SPAG16: variants seen among roughly 807,000 people sequenced by gnomAD.
SPAG16 encodes sperm associated antigen 16.
A neutral mutation model predicts 80.4 loss-of-function variants in SPAG16; 86 were observed. The observed-to-expected ratio is 1.07, with a 90% CI of 0.90 to 1.28. The LOEUF (loss-of-function observed/expected upper bound fraction) is 1.28. Ranked by LOEUF, SPAG16 falls within the 50% of genes most tolerant of loss-of-function variation. SPAG16 has a pLI of 0.00. For missense variants in SPAG16, 870 were observed against 765.3 expected (o/e 1.14, Z -1.61); for synonymous variants, 294 against 265.9 (o/e 1.11, Z -1.03).
intron 15 of SPAG16, among the ~76,000 whole-genome samples, chr2:214,321,367 A>C (rs898599454): frequency 2.0e-5 from 3 of 152,164 alleles, no homozygotes; most frequent in African/African-American, 7.2e-5. Flanking sequence ...TGGCCACTGA[A>C]GATATTAGTA....
chr2:214,323,814 G>T (rs188706866), intron 15 of SPAG16, among the ~76,000 whole-genome samples: 25 of 152,208 alleles, frequency 1.6e-4, no homozygotes, highest in Non-Finnish European at 3.2e-4. Context: ...GCAAGGGCTA[G>T]GAAAGATCAA....
At position 214,225,997 on chromosome 2, in the gene SPAG16, G is replaced by A. The variant is rs1277687991; in HGVS notation, c.1720+76731G>A. 4.6e-5 allele frequency among the ~76,000 whole-genome samples: 7 copies of A among 152,148 alleles called. No individual in the cohort carries two copies. The South Asian group carries it at 6.2e-4, about 14-fold the overall frequency. ...TGAATCAAGGAGTCTGACTACTTCCGGTAGAAAGCCAACAGTGGGACTTCA... is the reference window on the plus strand; with the variant it reads ...TGAATCAAGGAGTCTGACTACTTCCAGTAGAAAGCCAACAGTGGGACTTCA... On this transcript the variant is annotated intron_variant, in intron 15 of 15. Coordinates refer to ENST00000331683, the MANE Select transcript of SPAG16 (RefSeq NM_024532.5).
chr2:213,769,927 A>T (rs1427001379), intron 10 of SPAG16, among the ~76,000 whole-genome samples: 3 of 152,168 alleles, frequency 2.0e-5, no homozygotes, highest in Admixed American at 6.6e-5. Context: ...CCCTGAAGCA[A>T]CCAGCATCTG....
intron 9 of SPAG16, among the ~76,000 whole-genome samples, chr2:213,469,596 T>C (rs980584555): frequency 1.4e-5 from 2 of 144,792 alleles, no homozygotes; most frequent in African/African-American, 5.5e-5. Context: ...TTTTTTTTTT[T>C]CCTGGTGGAA....
chr2:213,875,476 G>A (rs1319620101), intron 11 of SPAG16, among the ~76,000 whole-genome samples: 1 of 152,208 alleles, frequency 6.6e-6, no homozygotes. Context: ...TGTGTCTGTT[G>A]TGTTTGTCAA....
chr2:214,034,596 C>T (rs904806408), intron 13 of SPAG16, among the ~76,000 whole-genome samples: 8 of 152,206 alleles, frequency 5.3e-5, no homozygotes, highest in African/African-American at 7.2e-5. Flanking sequence ...TAGCCAGGCA[C>T]GCTGGCTGCA....
chr2:214,194,851 C>T (rs1004406900), intron 15 of SPAG16, among the ~76,000 whole-genome samples: 3 of 151,990 alleles, frequency 2.0e-5, no homozygotes, highest in Non-Finnish European at 2.9e-5. Flanking sequence ...TTTACTACTA[C>T]GACTGGAATA....
intron 13 of SPAG16, among the ~76,000 whole-genome samples, chr2:214,071,222 T>A (rs889204425): frequency 5.3e-5 from 8 of 152,016 alleles, no homozygotes; most frequent in African/African-American, 1.2e-4. Flanking sequence ...GCTAGGAAGA[T>A]CTTCAATAGC....
intron 13 of SPAG16, among the ~76,000 whole-genome samples, chr2:214,028,544 A>G (rs1350727985): frequency 6.6e-6 from 1 of 152,052 alleles, no homozygotes; most frequent in African/African-American, 2.4e-5. Flanking sequence ...GATGATACAT[A>G]TATCCTAATA....
At chr2:214,132,082 C>A (rs746662469) in intron 14 of SPAG16, among the ~76,000 whole-genome samples, 8 of 152,122 alleles carry the variant, frequency 5.3e-5, no homozygotes, top group Non-Finnish European at 8.8e-5. Flanking sequence ...CTTAATTTTG[C>A]TCAGAACCTA....
intron 15 of SPAG16, among the ~76,000 whole-genome samples, chr2:214,187,662 A>G (rs182946960): frequency 1.4e-5 from 2 of 143,364 alleles, no homozygotes; most frequent in African/African-American, 4.8e-5. Context: ...GGAATTAGTC[A>G]TGTAAACAAT....
intron 10 of SPAG16, among the ~76,000 whole-genome samples, chr2:213,553,956 C>T (rs1553563845): frequency 6.6e-6 from 1 of 152,098 alleles, no homozygotes; most frequent in African/African-American, 2.4e-5. Flanking sequence ...AGTCAGTGCC[C>T]CAGGTACCAG....
At chr2:214,142,286 CTCTT>C (rs1349418882) in intron 14 of SPAG16, among the ~76,000 whole-genome samples, 1 of 152,102 alleles carries the variant, frequency 6.6e-6, no homozygotes, top group African/African-American at 2.4e-5. Context: ...TGAGTAATAG[CTCTT>C]TATTCAAATC....
chr2:213,404,870 T>G (rs2068528171), intron 9 of SPAG16, among the ~76,000 whole-genome samples: 1 of 152,190 alleles, frequency 6.6e-6, no homozygotes, highest in Non-Finnish European at 1.5e-5. Context: ...GGTAGCTCCT[T>G]TTTACTTGAA....
intron 15 of SPAG16, among the ~76,000 whole-genome samples, chr2:214,292,088 G>A (rs1388484118): frequency 6.6e-6 from 1 of 152,010 alleles, no homozygotes; most frequent in Non-Finnish European, 1.5e-5. Flanking sequence ...TTTTCTCCTG[G>A]CCTAACAGGT....
intron 10 of SPAG16, among the ~76,000 whole-genome samples, chr2:213,741,928 C>T (rs1005940654): frequency 6.6e-6 from 1 of 151,966 alleles, no homozygotes; most frequent in South Asian, 2.1e-4. Context: ...TTCATATGTG[C>T]ATGGTTATTA....
intron 10 of SPAG16, among the ~76,000 whole-genome samples, chr2:213,853,005 T>A (rs1462385941): frequency 1.3e-5 from 2 of 152,242 alleles, no homozygotes; most frequent in African/African-American, 4.8e-5. Context: ...AATAAAAGCA[T>A]ATGTAATCTG....
intron 15 of SPAG16, among the ~76,000 whole-genome samples, chr2:214,369,011 G>A (rs1205610487): frequency 4.6e-5 from 7 of 151,866 alleles, no homozygotes; most frequent in African/African-American, 9.7e-5. Flanking sequence ...ACAGAACCCC[G>A]TACTTTAATT....
At chr2:213,719,216 G>A (rs1316287821) in intron 10 of SPAG16, among the ~76,000 whole-genome samples, 39 of 151,902 alleles carry the variant, frequency 2.6e-4, no homozygotes, top group African/African-American at 9.0e-4. Flanking sequence ...TGCACCAATC[G>A]ACACTCTGTA....
Sources: gnomAD v4.1 joint callset for allele counts (sites outside exome capture counted in the v4.1 genomes callset) on GRCh38, gnomAD v4.1.1 for gene constraint, MANE v1.5 for transcripts, NCBI Gene and HGNC (gene_info 2026-07-23, HGNC 2026-07-21) for gene names.